NUP214: variants seen among roughly 807,000 people sequenced by gnomAD.
The protein encoded by NUP214 is nucleoporin 214, also known as nuclear pore complex protein Nup214.
In NUP214, 79 loss-of-function variants were observed where a neutral mutation model predicts 196.2. The ratio of observed to expected loss-of-function variants is 0.40; its 90% CI spans 0.34 to 0.49. The LOEUF is 0.49. Ranked by LOEUF, NUP214 falls within the 20% of genes least tolerant of loss-of-function variation. NUP214 has a pLI of 0.58. For synonymous variants in NUP214, 1,020 were observed against 990.5 expected, an observed-to-expected ratio of 1.03 and a Z score of -0.56; for missense variants, 2,468 against 2,539.0, an observed-to-expected ratio of 0.97 and a Z score of 0.60.
chr9:131,201,964 T>G (rs539891544), intron 30 of NUP214, among the ~76,000 whole-genome samples: 1 of 152,308 alleles, frequency 6.6e-6, no homozygotes, highest in Non-Finnish European at 1.5e-5. Context: ...GCACATTGCC[T>G]GATTCCTTTT....
chr9:131,139,328 G>C lies in NUP214; in HGVS notation c.1053G>C (p.Leu351Phe), dbSNP rs1304305799. ...TGGAGGATTCTAGTCGAGCTGAATT[G>C]CCTGTGACAGACAAGAGTGATGACT... The part of the protein sequence containing the change: ...WLLEDSSRAE[L>F]PVTDKSDDSL... The change falls in exon 10 of 36, where the codon TTG (leucine) becomes TTC (phenylalanine). Residue 351 changes from leucine to phenylalanine, a missense_variant. This residue lies in a region of NUP214 where 6 missense variants were observed against 22.8 expected (regional missense o/e 0.26). Coordinates refer to ENST00000359428, the MANE Select transcript of NUP214 (RefSeq NM_005085.4). The C allele has an allele frequency of 6.4e-7, 1 of 1,570,798 alleles. No individual in the cohort carries two copies. Among genetic ancestry groups the C allele is most frequent in the Non-Finnish European group, 8.6e-7 (1 of 1,163,928 alleles).
At chr9:131,148,190 T>TTTC (rs59024171) in intron 14 of NUP214, among the ~76,000 whole-genome samples, 49,724 of 151,916 alleles carry the variant, frequency 0.33, 8,199 homozygotes, top group South Asian at 0.45. Context: ...GAGTAGCTGA[T>TTTC]TTGATTTCCA....
At chr9:131,179,943 T>A (rs952147299) in intron 24 of NUP214, among the ~76,000 whole-genome samples, 2 of 152,232 alleles carry the variant, frequency 1.3e-5, no homozygotes, top group Admixed American at 1.3e-4. Flanking sequence ...AGGCAGAATG[T>A]TACATAAGAT....
chr9:131,208,808 A>G (rs939820296), intron 30 of NUP214, among the ~76,000 whole-genome samples: 6 of 151,942 alleles, frequency 3.9e-5, no homozygotes, highest in Non-Finnish European at 7.4e-5. Flanking sequence ...ATGAGTCAAG[A>G]GATGGAGACC....
chr9:131,151,924 G>C (rs1832280578), intron 17 of NUP214, 30 bp downstream of exon 17: 5 of 1,537,028 alleles, frequency 3.3e-6, no homozygotes, highest in Non-Finnish European at 4.4e-6. Context: ...CTGTTTAAAA[G>C]ATTTAAAAAC....
intron 9 of NUP214, chr9:131,136,908 A>G (rs926366202): frequency 2.0e-5 from 3 of 152,232 alleles, no homozygotes; most frequent in African/African-American, 4.8e-5. Context: ...CTTATAAATA[A>G]GAAGCAAGTG....
At chr9:131,200,018 A>G (rs1312037239) in intron 29 of NUP214, among the ~76,000 whole-genome samples, 1 of 152,208 alleles carries the variant, frequency 6.6e-6, no homozygotes, top group Non-Finnish European at 1.5e-5. Context: ...GACTTGGTCC[A>G]GAAAATGGGC....
At position 131,232,670 on chromosome 9, in the gene NUP214, T is replaced by G; in HGVS notation, c.6239+362T>G. On this transcript the variant is annotated intron_variant, in intron 35 of 35. Transcript: ENST00000359428. This position sits in a 1 kb window ranked among gnomAD's most constrained non-coding sequence, Gnocchi z 5.1. ...GGCTCTGGGCCATCACCAGGTCTCA[T>G]GTGTTGATCCACCCTCTGTGCTTCT... The G allele has an allele frequency of 2.7e-6, 1 of 376,396 alleles. No homozygotes were observed. Among genetic ancestry groups the G allele is most frequent in the East Asian group, 5.8e-5 (1 of 17,198 alleles). 23.3% of individuals were successfully genotyped at this position (376,396 alleles called of 1,614,324 possible).
intron 19 of NUP214, 75 bp downstream of exon 19, chr9:131,163,248 A>T: frequency 6.9e-7 from 1 of 1,443,508 alleles, no homozygotes; most frequent in Non-Finnish European, 9.3e-7. Flanking sequence ...AGAGTGGTTC[A>T]GATATGGGTT....
At chr9:131,217,611 T>C (rs1024070109) in intron 31 of NUP214, among the ~76,000 whole-genome samples, 11 of 152,190 alleles carry the variant, frequency 7.2e-5, no homozygotes, top group Admixed American at 3.9e-4. Flanking sequence ...GTCACAGATA[T>C]AGAACTCAGC....
intron 29 of NUP214, 86 bp from the exon 30 acceptor site, chr9:131,201,561 C>CT: frequency 2.1e-6 from 2 of 933,958 alleles, no homozygotes; most frequent in South Asian, 1.4e-5. Flanking sequence ...GAGACTCTGC[C>CT]TCAAAAAAAA....
At chr9:131,130,182 C>T (rs1192265583) in intron 4 of NUP214, among the ~76,000 whole-genome samples, 13 of 98,188 alleles carry the variant, frequency 1.3e-4, no homozygotes, top group African/African-American at 4.9e-4. Flanking sequence ...CTTGCTCTGT[C>T]GCCCAGGCTG....
intron 29 of NUP214, 43 bp from the exon 30 acceptor site, chr9:131,201,604 C>T: frequency 7.0e-7 from 1 of 1,434,716 alleles, no homozygotes; most frequent in Non-Finnish European, 9.8e-7. Context: ...GTAAAAGACT[C>T]ATCCAATCCA....
intron 9 of NUP214, 79 bp downstream of exon 9, chr9:131,136,085 G>T: frequency 8.3e-7 from 1 of 1,207,952 alleles, no homozygotes; most frequent in Non-Finnish European, 1.2e-6. Flanking sequence ...CTGTTGTCCA[G>T]GCTGGAGTGC....
At chr9:131,195,998 TG>T (rs1833767470) in intron 28 of NUP214, among the ~76,000 whole-genome samples, 1 of 106,332 alleles carries the variant, frequency 9.4e-6, no homozygotes, top group Non-Finnish European at 1.7e-5. Flanking sequence ...CACTCCAGCC[TG>T]GGCAACAAGA....
At chr9:131,207,817 A>G (rs1207467932) in intron 30 of NUP214, among the ~76,000 whole-genome samples, 1 of 152,240 alleles carries the variant, frequency 6.6e-6, no homozygotes, top group Admixed American at 6.5e-5. Context: ...GTGGCACAGC[A>G]GCTGCTGGGG....
At chr9:131,132,903 G>C in intron 6 of NUP214, 1 of 621,524 alleles carries the variant, frequency 1.6e-6, no homozygotes, top group Non-Finnish European at 2.8e-6. Context: ...AATTTGCCCT[G>C]ATTATAATCC....
chr9:131,231,614 A>C (rs1344204313), intron 34 of NUP214, among the ~76,000 whole-genome samples: 1 of 151,696 alleles, frequency 6.6e-6, no homozygotes, highest in African/African-American at 2.4e-5. Flanking sequence ...GGTTTAAAAA[A>C]TCTAAGCCAG....
chr9:131,201,504 G>T (rs938315462), intron 29 of NUP214, 143 bp from the exon 30 acceptor site: 4 of 598,658 alleles, frequency 6.7e-6, no homozygotes, highest in Non-Finnish European at 1.2e-5. Flanking sequence ...GGCAGAGGTT[G>T]CAGTGAGCCA....
Sources: gnomAD v4.1 joint callset for allele counts (sites outside exome capture counted in the v4.1 genomes callset) on GRCh38, gnomAD v4.1.1 for gene constraint, gnomAD v4.1.1 regional missense constraint, Gnocchi (gnomAD v3.1) non-coding constraint, MANE v1.5 for transcripts, NCBI Gene and HGNC (gene_info 2026-07-23, HGNC 2026-07-21) for gene names.